Variants in SOD2 observed in about 807,000 individuals in gnomAD.
SOD2 encodes superoxide dismutase [Mn], mitochondrial.
In SOD2, 11 loss-of-function variants were observed where a neutral mutation model predicts 27.0. The ratio of observed to expected loss-of-function variants is 0.41; its 90% CI spans 0.26 to 0.67. SOD2 has a LOEUF of 0.67. SOD2 is among the 30% of genes least tolerant of loss of function. SOD2 has a pLI of 0.34. For synonymous variants in SOD2, 105 were observed against 103.0 expected, an observed-to-expected ratio of 1.02 and a Z score of -0.12; for missense variants, 250 against 274.5, an observed-to-expected ratio of 0.91 and a Z score of 0.63.
Position 159,692,835 on chromosome 6 carries a change from C to T in SOD2, c.52G>A (p.Gly18Arg), listed in dbSNP as rs185564053. ...TGCTTCTGCCTGGAGCCCAGATACC[C>T]CAAAACCGGAGCCAGCTGCCTGCTG... ...GTSRQLAPVL[G>R]YLGSRQKHSL... The change falls in exon 2 of 5, where the codon GGG (glycine) becomes AGG (arginine). Residue 18 changes from glycine to arginine, a missense_variant. By Grantham distance (125) the Gly-to-Arg change is moderately radical. Transcript: ENST00000538183. 3 of 1,612,878 alleles carry T rather than the reference C, an allele frequency of 1.9e-6. No homozygotes were observed. The highest frequency in any genetic ancestry group is 2.5e-6 in the Non-Finnish European group (3 of 1,179,656).
intron 1 of SOD2, chr6:159,755,749 G>GTTTTTTTTTTTTTTTGTTTTT (rs1402868444): frequency 3.3e-6 from 1 of 300,296 alleles, no homozygotes; most frequent in Non-Finnish European, 4.3e-6. Context: ...TTTTTTCTTT[G>GTTTTTTTTTTTTTTTGTTTTT]TTTTTTTTTT....
intron 2 of SOD2, among the ~76,000 whole-genome samples, chr6:159,689,262 C>T (rs1347542686): frequency 6.6e-6 from 1 of 152,216 alleles, no homozygotes; most frequent in Admixed American, 6.5e-5. Context: ...TCTCATGCTG[C>T]GTTCCTGTTC....
At chr6:159,690,781 T>A (rs1439554733) in intron 2 of SOD2, 1 of 152,194 alleles carries the variant, frequency 6.6e-6, no homozygotes, top group Non-Finnish European at 1.5e-5. Context: ...TCTTAACATC[T>A]TACAGTTTGC....
At chr6:159,689,960 A>C (rs1780372269) in intron 2 of SOD2, among the ~76,000 whole-genome samples, 1 of 150,252 alleles carries the variant, frequency 6.7e-6, no homozygotes, top group African/African-American at 2.5e-5. Context: ...ACTCCGTCAC[A>C]GAAAAAAAAA....
intron 1 of SOD2, among the ~76,000 whole-genome samples, chr6:159,732,888 T>TATA (rs1562452386): frequency 5.0e-5 from 2 of 40,052 alleles, no homozygotes; most frequent in Non-Finnish European, 1.8e-4. Flanking sequence ...ATATATATAG[T>TATA]GTGTGTGTGT....
At chr6:159,693,280 G>A (rs1330998624), upstream of SOD2, 3 of 966,374 alleles carry the variant, frequency 3.1e-6, no homozygotes, top group East Asian at 3.3e-5. Context: ...AGAAAGCGCG[G>A]GGAGCAGGGC....
chr6:159,748,298 A>G, upstream of SOD2: 1 of 1,614,132 alleles, frequency 6.2e-7, no homozygotes, highest in Non-Finnish European at 8.5e-7. This position sits in a 1 kb window ranked among gnomAD's most constrained non-coding sequence, Gnocchi z 5.6. Flanking sequence ...TGAAAGGTGA[A>G]CTGGAACAGA....
chr6:159,708,677 G>C (rs1010824442), intron 1 of SOD2, among the ~76,000 whole-genome samples: 3 of 152,204 alleles, frequency 2.0e-5, no homozygotes, highest in Non-Finnish European at 4.4e-5. Flanking sequence ...TCAATATCGT[G>C]AAAATGGCTA....
At chr6:159,715,021 T>C (rs1777899930) in intron 1 of SOD2, among the ~76,000 whole-genome samples, 1 of 151,950 alleles carries the variant, frequency 6.6e-6, no homozygotes, top group South Asian at 2.1e-4. Flanking sequence ...TTCTTCTGCT[T>C]GTTTTACATA....
At chr6:159,753,001 A>G (rs2114957273) in intron 1 of SOD2, among the ~76,000 whole-genome samples, 1 of 152,340 alleles carries the variant, frequency 6.6e-6, no homozygotes, top group South Asian at 2.1e-4. Context: ...GCAAGAATAA[A>G]TACTCTCATT....
upstream of SOD2, chr6:159,727,568 CG>C (rs1778266819): frequency 1.0e-6 from 1 of 988,112 alleles, no homozygotes; most frequent in Non-Finnish European, 1.2e-6. Flanking sequence ...GGGGTTGCGG[CG>C]GGACTAGGAG....
chr6:159,735,296 G>A (rs1263401701), intron 1 of SOD2, among the ~76,000 whole-genome samples: 1 of 152,018 alleles, frequency 6.6e-6, no homozygotes, highest in Non-Finnish European at 1.5e-5. Context: ...GTGCCACTAC[G>A]CCGGGCTAAT....
intron 1 of SOD2, chr6:159,736,234 G>C: frequency 6.3e-7 from 1 of 1,580,616 alleles, no homozygotes; most frequent in South Asian, 1.2e-5. Context: ...AATTGAACTT[G>C]TTTTCCGCAA....
At chr6:159,703,053 G>A (rs572375760) in intron 1 of SOD2, among the ~76,000 whole-genome samples, 3 of 152,078 alleles carry the variant, frequency 2.0e-5, no homozygotes, top group Non-Finnish European at 2.9e-5. Context: ...GGTGGCTCAC[G>A]CCTGTAATCC....
At chr6:159,727,910 C>G (rs1409969697), upstream of SOD2, among the ~76,000 whole-genome samples, 3 of 152,232 alleles carry the variant, frequency 2.0e-5, no homozygotes, top group African/African-American at 2.4e-5. Context: ...CTCTGTCCTC[C>G]GTCCCCAAGG....
At chr6:159,729,312 T>A (rs1778421173), upstream of SOD2, among the ~76,000 whole-genome samples, 1 of 152,240 alleles carries the variant, frequency 6.6e-6, no homozygotes, top group African/African-American at 2.4e-5. Flanking sequence ...TTCTTGTTTT[T>A]AATTTTTTTA....
At chr6:159,713,790 T>C (rs1472029853) in intron 1 of SOD2, 8 of 984,266 alleles carry the variant, frequency 8.1e-6, no homozygotes, top group Non-Finnish European at 1.3e-5. Flanking sequence ...AAAGCCAATT[T>C]CGCTTCATCT....
intron 1 of SOD2, chr6:159,743,805 A>G: frequency 6.3e-7 from 1 of 1,592,076 alleles, no homozygotes; most frequent in South Asian, 1.2e-5. Context: ...AAGTATTTCA[A>G]GTTATATAAA....
chr6:159,702,727 T>G (rs1420749313), intron 1 of SOD2, among the ~76,000 whole-genome samples: 2 of 146,216 alleles, frequency 1.4e-5, no homozygotes, highest in Non-Finnish European at 3.0e-5. Flanking sequence ...GGTGTGCGCC[T>G]GTAGTCCCAG....
Sources: allele counts gnomAD v4.1 joint callset (sites outside exome capture counted in the v4.1 genomes callset), GRCh38; gene constraint gnomAD v4.1.1; non-coding constraint Gnocchi (gnomAD v3.1); transcripts MANE v1.5; gene names NCBI Gene and HGNC (gene_info 2026-07-23, HGNC 2026-07-21).